SEC14L2: variants seen among roughly 807,000 people sequenced by gnomAD.
SEC14L2 encodes SEC14-like protein 2.
SEC14L2 carries 50 observed loss-of-function variants against 56.9 expected under a neutral mutation model. The ratio of observed to expected loss-of-function variants is 0.88; its 90% CI spans 0.70 to 1.11. SEC14L2 has a LOEUF of 1.11. Among genes scored for constraint, SEC14L2 ranks in the 50% most tolerant of loss-of-function variants. The pLI, the probability that SEC14L2 is intolerant of heterozygous loss-of-function variation, is 0.00. For synonymous variants in SEC14L2, 179 were observed against 188.5 expected (o/e 0.95, Z 0.41); for missense variants, 414 against 500.7 (o/e 0.83, Z 1.65).
At chr22:30,422,252 C>T in intron 11 of SEC14L2, 25 bp from the exon 12 acceptor site, 1 of 1,613,486 alleles carries the variant, frequency 6.2e-7, no homozygotes, top group Non-Finnish European at 8.5e-7. Context: ...GCCTGAATGT[C>T]TGTCTGGTTT....
At chr22:30,421,510 T>C (rs1934517448) in intron 11 of SEC14L2, 1 of 152,260 alleles carries the variant, frequency 6.6e-6, no homozygotes, top group African/African-American at 2.4e-5. Context: ...TCACATGGAT[T>C]ACAACATAAA....
chr22:30,415,955 A>G lies in SEC14L2; in HGVS notation c.779A>G (p.Tyr260Cys), dbSNP rs1482271192. ...GNPKCKSKIN[Y>C]GGDIPRKYYV... is the part of the protein sequence containing the mutation. Reference sequence around the variant, plus strand: ...TCCATGCCATGCTTCTAGATCAACTACGGGGGTGACATCCCCAGGAAGTAT... The same window carrying G: ...TCCATGCCATGCTTCTAGATCAACTGCGGGGGTGACATCCCCAGGAAGTAT... The change falls in exon 10 of 12, where the codon TAC becomes TGC. Residue 260 changes from tyrosine (Y) to cysteine (C), a missense_variant. Transcript: ENST00000615189. 1 of 1,614,176 alleles carries G rather than the reference A, an allele frequency of 6.2e-7. No homozygotes were observed. The highest frequency in any genetic ancestry group is 1.7e-5 in the Admixed American group (1 of 60,028).
At position 30,407,435 on chromosome 22, in the gene SEC14L2, A is replaced by AG. The variant is rs1934127224; in HGVS notation, c.260dup (p.Met88TyrfsTer5). 6.2e-7 allele frequency: 1 copy of AG among 1,614,106 alleles called. No individual in the cohort carries two copies. The highest frequency in any genetic ancestry group is 8.5e-7 in the Non-Finnish European group (1 of 1,179,986). ...CCCAGGTGATCCAACAGTATCTGTC[A>AG]GGGGGTATGTGTGGCTATGACCTGG... On this transcript the variant is annotated frameshift_variant, in exon 5 of 12. Coordinates refer to ENST00000615189, the MANE Select transcript of SEC14L2 (RefSeq NM_012429.5). LOFTEE classifies it high-confidence loss of function.
chr22:30,410,264 A>G (rs901293983), intron 7 of SEC14L2, among the ~76,000 whole-genome samples: 1 of 152,178 alleles, frequency 6.6e-6, no homozygotes, highest in African/African-American at 2.4e-5. Context: ...CTCTGTCTCA[A>G]AAAAATAAAA....
chr22:30,421,067 C>T (rs555939218), intron 11 of SEC14L2: 2 of 152,298 alleles, frequency 1.3e-5, no homozygotes, highest in Non-Finnish European at 2.9e-5. Flanking sequence ...TCAGCACATA[C>T]ACTAAAATTG....
At chr22:30,415,103 A>G (rs2146035527) in intron 8 of SEC14L2, among the ~76,000 whole-genome samples, 1 of 152,242 alleles carries the variant, frequency 6.6e-6, no homozygotes, top group Admixed American at 6.5e-5. Flanking sequence ...GGGTAATAAC[A>G]TACTCTTAAC....
chr22:30,406,865 C>T (rs1272188413), intron 3 of SEC14L2, among the ~76,000 whole-genome samples: 1 of 152,176 alleles, frequency 6.6e-6, no homozygotes, highest in African/African-American at 2.4e-5. Context: ...TGATTTCATG[C>T]CTCAGCCACC....
chr22:30,400,055 A>C (rs375217588), intron 2 of SEC14L2, among the ~76,000 whole-genome samples: 2 of 152,204 alleles, frequency 1.3e-5, no homozygotes, highest in East Asian at 3.8e-4. Flanking sequence ...GCTGAAGAAA[A>C]AGTGAGAAAG....
chr22:30,409,974 G>C (rs1409431856), intron 7 of SEC14L2, among the ~76,000 whole-genome samples: 2 of 152,170 alleles, frequency 1.3e-5, no homozygotes, highest in African/African-American at 4.8e-5. Context: ...GAGGTGGGCA[G>C]ATCACTTGAG....
At chr22:30,406,020 G>C (rs1386089841) in intron 2 of SEC14L2, among the ~76,000 whole-genome samples, 3 of 152,052 alleles carry the variant, frequency 2.0e-5, no homozygotes, top group East Asian at 3.9e-4. Context: ...AGGATCCGGG[G>C]TTCATTTTCA....
At chr22:30,402,171 A>G (rs570490287) in intron 2 of SEC14L2, among the ~76,000 whole-genome samples, 1 of 152,264 alleles carries the variant, frequency 6.6e-6, no homozygotes, top group East Asian at 1.9e-4. Flanking sequence ...GAATCAGTTC[A>G]GGCTGGAGGA....
intron 1 of SEC14L2, among the ~76,000 whole-genome samples, chr22:30,398,980 A>G (rs890652074): frequency 7.9e-5 from 12 of 152,230 alleles, no homozygotes; most frequent in African/African-American, 2.7e-4. Context: ...GCTGAGCGAC[A>G]GGAAATGCTT....
chr22:30,398,692 A>G (rs1933829689), intron 1 of SEC14L2: 2 of 471,426 alleles, frequency 4.2e-6, no homozygotes, highest in Non-Finnish European at 8.8e-6. Flanking sequence ...CACAAATGCC[A>G]TGTTTTATAG....
At chr22:30,420,898 T>A (rs1934498501) in intron 11 of SEC14L2, 1 of 152,230 alleles carries the variant, frequency 6.6e-6, no homozygotes, top group African/African-American at 2.4e-5. Flanking sequence ...AAAAGCAGCC[T>A]GTTCCTCTGC....
chr22:30,422,726 A>T lies in SEC14L2; in HGVS notation c.*319A>T, dbSNP rs538727957. The stretch of plus-strand genomic sequence containing the variant: ...CATGTACCACAGGGTGGCAGCAGGG[A>T]AAAAAATTAGAAAAGGGTGAAAGAT... On this transcript the variant is annotated 3_prime_UTR_variant, in exon 12 of 12. Transcript: ENST00000615189. The T allele has an allele frequency of 1.7e-5, 4 of 238,070 alleles. No individual in the cohort carries two copies. The highest frequency in any genetic ancestry group is 2.5e-5 in the Non-Finnish European group (3 of 121,488). 14.7% of individuals were successfully genotyped at this position (238,070 alleles called of 1,614,324 possible). A position where few individuals can be genotyped will look rare whatever the true frequency, so the allele number is the denominator to read the frequency against.
In SEC14L2 at chr22:30,400,894, C is replaced by CAA. The variant is rs1185861063; in HGVS notation, c.130+1204_130+1205dup. ...TGGGTGACAGAGGGAGACTCCGTCTCAAAAAAAAAAAAAAAAAAAAAAAAA... is the reference window on the plus strand; with the variant it reads ...TGGGTGACAGAGGGAGACTCCGTCTCAAAAAAAAAAAAAAAAAAAAAAAAAAA... On this transcript the variant is annotated intron_variant, in intron 2 of 11. Coordinates refer to ENST00000615189, the MANE Select transcript of SEC14L2 (RefSeq NM_012429.5). Among the ~76,000 whole-genome samples, 357 of 48,620 alleles carry CAA rather than the reference C, an allele frequency of 7.3e-3. 20 individuals are homozygous for CAA. The highest frequency in any genetic ancestry group is 0.032 in the African/African-American group (328 of 10,210). 31.9% of individuals were successfully genotyped at this position (48,620 alleles called of 152,430 possible). A position where few individuals can be genotyped will look rare whatever the true frequency, so the allele number is the denominator to read the frequency against.
chr22:30,408,231 C>T (rs985224157), intron 5 of SEC14L2, among the ~76,000 whole-genome samples: 1 of 152,120 alleles, frequency 6.6e-6, no homozygotes, highest in African/African-American at 2.4e-5. Flanking sequence ...CCAACCCATC[C>T]TTGAGCAAGT....
In SEC14L2 at chr22:30,406,361, G is replaced by T. The variant is rs763797796; in HGVS notation, c.150G>T (p.Gln50His). 3.7e-6 allele frequency: 6 copies of T among 1,613,974 alleles called. No individual in the cohort carries two copies. In the African/African-American group the frequency reaches 5.3e-5, roughly 14 times the overall value. The change falls in exon 3 of 12, where the codon CAG (glutamine) becomes CAT (histidine). Residue 50 changes from glutamine to histidine, a missense_variant. Physicochemically the swap from Gln to His is conservative, Grantham distance 24. Transcript: ENST00000615189. ...TTACAGCCAGAAGCTTCGACCTGCA[G>T]AAGTCGGAGGCCATGCTCCGGAAGG... Reference protein sequence around the residue: ...RWLRARSFDLQKSEAMLRKHV... With the variant: ...RWLRARSFDLHKSEAMLRKHV...
At chr22:30,421,628 A>G (rs1247053551) in intron 11 of SEC14L2, 1 of 152,208 alleles carries the variant, frequency 6.6e-6, no homozygotes, top group African/African-American at 2.4e-5. Context: ...TTTGCAGGAT[A>G]AATTCCTGGT....
Sources: gnomAD v4.1 joint callset for allele counts (sites outside exome capture counted in the v4.1 genomes callset) on GRCh38, gnomAD v4.1.1 for gene constraint, MANE v1.5 for transcripts, NCBI Gene and HGNC (gene_info 2026-07-23, HGNC 2026-07-21) for gene names.